The following CNTN5 variants were observed in gnomAD, a reference collection of about 807,000 sequenced individuals.
The protein encoded by CNTN5 is contactin-5.
A neutral mutation model predicts 129.1 loss-of-function variants in CNTN5; 77 were observed. The ratio of observed to expected loss-of-function variants is 0.60; its 90% CI spans 0.50 to 0.72. The LOEUF (loss-of-function observed/expected upper bound fraction) is 0.72, where lower values mean the gene tolerates loss of function less well. Among genes scored for constraint, CNTN5 ranks in the 30% least tolerant of loss-of-function variants. The pLI, the probability that CNTN5 is intolerant of heterozygous loss-of-function variation, is 0.00. For missense variants in CNTN5, 1,478 were observed against 1,328.8 expected (o/e 1.11, Z -1.75); for synonymous variants, 509 against 465.6 (o/e 1.09, Z -1.20).
chr11:99,307,393 C>G lies in CNTN5; in HGVS notation c.-209-17953C>G, dbSNP rs142257931. 3.1e-3 allele frequency among the ~76,000 whole-genome samples: 477 copies of G among 152,094 alleles called. 2 individuals carry two copies. The highest frequency in any genetic ancestry group is 0.011 in the African/African-American group (469 of 41,502). On this transcript the variant is annotated intron_variant, in intron 1 of 24. Transcript: ENST00000524871. ...GTGTTTTGTTTTGTTTTTAGTAAGA[C>G]AAGATGACACTTGTTATTTAGTTCA... is the stretch of plus-strand genomic sequence containing the variant.
chr11:99,990,134 C>A (rs2137406997), intron 8 of CNTN5, among the ~76,000 whole-genome samples: 1 of 152,114 alleles, frequency 6.6e-6, no homozygotes, highest in South Asian at 2.1e-4. Flanking sequence ...TTTCTTCAGG[C>A]CTTACATTTC....
intron 16 of CNTN5, among the ~76,000 whole-genome samples, chr11:100,237,085 A>G (rs564465040): frequency 2.7e-5 from 4 of 148,650 alleles, no homozygotes; most frequent in Admixed American, 1.4e-4. Context: ...GCTACTGGGG[A>G]GGCTGAGGCA....
intron 7 of CNTN5, among the ~76,000 whole-genome samples, chr11:99,917,062 G>A (rs144882307): frequency 6.6e-6 from 1 of 152,082 alleles, no homozygotes; most frequent in East Asian, 1.9e-4. Context: ...TAACAAAATG[G>A]CCTACATTGA....
chr11:99,543,790 C>T (rs897796110), intron 2 of CNTN5, among the ~76,000 whole-genome samples: 81 of 151,850 alleles, frequency 5.3e-4, no homozygotes, highest in Middle Eastern at 3.4e-3. Flanking sequence ...TGGTGGCACA[C>T]GCCTGTAATT....
At chr11:100,343,147 C>G (rs1321904873) in intron 23 of CNTN5, among the ~76,000 whole-genome samples, 1 of 152,150 alleles carries the variant, frequency 6.6e-6, no homozygotes, top group Non-Finnish European at 1.5e-5. Context: ...TGCCAGTTCC[C>G]TCTTAATAAA....
intron 1 of CNTN5, among the ~76,000 whole-genome samples, chr11:99,241,092 C>T (rs1340505253): frequency 1.3e-5 from 2 of 152,128 alleles, no homozygotes; most frequent in Non-Finnish European, 2.9e-5. Flanking sequence ...TATAACCTGT[C>T]TGTAGTAGAA....
intron 1 of CNTN5, among the ~76,000 whole-genome samples, chr11:99,267,887 CTCTT>C (rs1862975955): frequency 6.7e-6 from 1 of 149,814 alleles, no homozygotes; most frequent in African/African-American, 2.5e-5. Context: ...TGCTCTCTCT[CTCTT>C]TCTCTATCAA....
At chr11:99,595,773 T>C (rs1251314980) in intron 3 of CNTN5, among the ~76,000 whole-genome samples, 3 of 151,946 alleles carry the variant, frequency 2.0e-5, no homozygotes, top group Non-Finnish European at 4.4e-5. Context: ...TATATATATA[T>C]ATGACTGTAT....
Position 100,193,512 on chromosome 11 carries a change from C to A in CNTN5, c.1733C>A (p.Pro578His). 1 of 1,602,284 alleles carries A rather than the reference C, an allele frequency of 6.2e-7. No individual in the cohort carries two copies. The change falls in exon 15 of 25, where the codon CCT becomes CAT. Residue 578 changes from proline to histidine, a missense_variant. Coordinates refer to ENST00000524871, the MANE Select transcript of CNTN5 (RefSeq NM_014361.4). Reference protein sequence around the residue: ...VKEPTRIELTPKRTELTVGES... With the variant: ...VKEPTRIELTHKRTELTVGES... ...GAACCTACAAGGATAGAACTTACTC[C>A]TAAAAGAACAGAATTGACAGTGGGA...
intron 1 of CNTN5, among the ~76,000 whole-genome samples, chr11:99,248,946 C>A (rs568793367): frequency 3.3e-5 from 5 of 151,888 alleles, no homozygotes; most frequent in Non-Finnish European, 7.4e-5. Flanking sequence ...TTGGCAATGT[C>A]GGCTCTTTTT....
chr11:99,607,882 T>G (rs1950472491), intron 3 of CNTN5, among the ~76,000 whole-genome samples: 3 of 122,976 alleles, frequency 2.4e-5, no homozygotes, highest in East Asian at 2.4e-4. Flanking sequence ...TTCTCACTCA[T>G]AGGTGGGAAT....
At chr11:99,557,146 T>C (rs1948699351) in intron 3 of CNTN5, among the ~76,000 whole-genome samples, 1 of 151,212 alleles carries the variant, frequency 6.6e-6, no homozygotes, top group Non-Finnish European at 1.5e-5. Context: ...TTAAACACAT[T>C]TTTAATGTGT....
At chr11:99,255,737 T>C (rs1862344474) in intron 1 of CNTN5, among the ~76,000 whole-genome samples, 1 of 151,362 alleles carries the variant, frequency 6.6e-6, no homozygotes, top group African/African-American at 2.4e-5. Flanking sequence ...ATGGTCATTA[T>C]AATTTTGTAA....
At chr11:99,121,982 T>C (rs1858360772) in intron 1 of CNTN5, among the ~76,000 whole-genome samples, 1 of 151,702 alleles carries the variant, frequency 6.6e-6, no homozygotes, top group Admixed American at 6.6e-5. Context: ...TTCTTTTACA[T>C]ATATATATAT....
At chr11:100,314,586 T>G (rs555020613) in intron 21 of CNTN5, among the ~76,000 whole-genome samples, 1 of 152,242 alleles carries the variant, frequency 6.6e-6, no homozygotes, top group African/African-American at 2.4e-5. Flanking sequence ...TAATAAATAA[T>G]CAAACTGGAA....
At chr11:100,142,022 C>G (rs1591307709) in intron 13 of CNTN5, among the ~76,000 whole-genome samples, 1 of 128,612 alleles carries the variant, frequency 7.8e-6, no homozygotes, top group African/African-American at 2.6e-5. Flanking sequence ...AGTTTACTCT[C>G]TCTTTCCTGG....
intron 2 of CNTN5, among the ~76,000 whole-genome samples, chr11:99,503,332 A>G (rs928291893): frequency 2.0e-5 from 3 of 152,202 alleles, no homozygotes; most frequent in African/African-American, 7.2e-5. Flanking sequence ...ATTTATTGCT[A>G]CACAACTATG....
At chr11:99,460,204 T>A (rs936186833) in intron 2 of CNTN5, among the ~76,000 whole-genome samples, 2 of 151,716 alleles carry the variant, frequency 1.3e-5, no homozygotes, top group Non-Finnish European at 2.9e-5. Flanking sequence ...AGAAATTATT[T>A]AAAAATTATT....
chr11:99,615,460 C>G (rs116195826), intron 3 of CNTN5, among the ~76,000 whole-genome samples: 1,674 of 152,190 alleles, frequency 0.011, 30 homozygotes, highest in African/African-American at 0.038. Flanking sequence ...GAAACCTAAT[C>G]CACAATTTTC....
Sources: gnomAD v4.1 joint callset for allele counts (sites outside exome capture counted in the v4.1 genomes callset) on GRCh38, gnomAD v4.1.1 for gene constraint, MANE v1.5 for transcripts, NCBI Gene and HGNC (gene_info 2026-07-23, HGNC 2026-07-21) for gene names.